Variants in TLL2 observed in about 807,000 individuals in gnomAD.
TLL2 encodes tolloid like 2, also known as tolloid-like protein 2.
A neutral mutation model predicts 123.0 loss-of-function variants in TLL2; 106 were observed. The observed-to-expected ratio is 0.86, with a 90% CI of 0.74 to 1.01. The LOEUF (loss-of-function observed/expected upper bound fraction) is 1.01. Ranked by LOEUF, TLL2 falls within the 50% of genes least tolerant of loss-of-function variation. TLL2 has a pLI of 0.00. For synonymous variants in TLL2, 494 were observed against 516.8 expected (o/e 0.96, Z 0.60); for missense variants, 1,332 against 1,336.7 (o/e 1.00, Z 0.06).
intron 1 of TLL2, among the ~76,000 whole-genome samples, chr10:96,491,305 C>G (rs1348233839): frequency 6.6e-6 from 1 of 151,142 alleles, no homozygotes; most frequent in Admixed American, 6.6e-5. Context: ...TCGCTTGAAT[C>G]CAGGAGGCGG....
At chr10:96,376,667 T>C in intron 18 of TLL2, 25 bp downstream of exon 18, 1 of 1,608,818 alleles carries the variant, frequency 6.2e-7, no homozygotes, top group Non-Finnish European at 8.5e-7. Flanking sequence ...GTCCACATTC[T>C]CAATAAACTA....
intron 2 of TLL2, among the ~76,000 whole-genome samples, chr10:96,448,786 C>T (rs530182033): frequency 5.3e-5 from 8 of 151,856 alleles, no homozygotes; most frequent in Admixed American, 2.6e-4. Flanking sequence ...GAGGTGGGTA[C>T]GACTGGAATG....
intron 1 of TLL2, among the ~76,000 whole-genome samples, chr10:96,501,100 C>T (rs1256166922): frequency 6.6e-6 from 1 of 152,112 alleles, no homozygotes; most frequent in African/African-American, 2.4e-5. Flanking sequence ...AGAATGTTCA[C>T]AACAATTACT....
intron 10 of TLL2, among the ~76,000 whole-genome samples, chr10:96,400,267 A>G (rs1370037275): frequency 6.6e-6 from 1 of 151,296 alleles, no homozygotes; most frequent in East Asian, 1.9e-4. Flanking sequence ...TTTAACTCTC[A>G]AAGCTGTAAG....
At chr10:96,427,549 C>A (rs952892408) in intron 5 of TLL2, among the ~76,000 whole-genome samples, 1 of 152,184 alleles carries the variant, frequency 6.6e-6, no homozygotes, top group Non-Finnish European at 1.5e-5. Context: ...TTCTCACTGT[C>A]CCTTATACCC....
chr10:96,373,445 G>A (rs1846103289), intron 19 of TLL2, 151 bp downstream of exon 19: 1 of 734,520 alleles, frequency 1.4e-6, no homozygotes, highest in African/African-American at 1.8e-5. Context: ...CCAGCTTGAT[G>A]CTTCATTTTA....
rs752871708 is a variant in TLL2, at chr10:96,410,378, G to A, written c.1145C>T (p.Ser382Leu). Residue 382 changes from serine (S) to leucine (L), a missense_variant, in exon 9 of 21, where the codon TCG (serine) becomes TTG (leucine). Ser to Leu is a moderately radical substitution (Grantham distance 145). Transcript: ENST00000357947. ...ACCTACCTTTTCCCCTGGGGTGACC[G>A]AGATCCTCCAGACGCAGTGGGAGTA... ...PSYSHCVWRI[S>L]VTPGEKIVLN... 5.6e-6 allele frequency: 9 copies of A among 1,613,378 alleles called. No homozygotes were observed. The highest frequency in any genetic ancestry group is 2.2e-5 in the East Asian group (1 of 44,866).
intron 16 of TLL2, among the ~76,000 whole-genome samples, chr10:96,380,561 C>T (rs541866100): frequency 4.0e-5 from 6 of 151,850 alleles, no homozygotes; most frequent in East Asian, 1.9e-4. Context: ...GGCGTGGTGG[C>T]GGGCGCCTGT....
chr10:96,484,151 A>G (rs1009155200), intron 1 of TLL2, among the ~76,000 whole-genome samples: 2 of 151,980 alleles, frequency 1.3e-5, no homozygotes, highest in African/African-American at 4.8e-5. Flanking sequence ...GCCCACCATG[A>G]TTTTTTTCTG....
intron 7 of TLL2, among the ~76,000 whole-genome samples, chr10:96,417,010 G>T (rs1336453836): frequency 1.3e-5 from 2 of 152,196 alleles, no homozygotes; most frequent in Non-Finnish European, 2.9e-5. Context: ...GTCCAACCAA[G>T]GGGGAGGGGA....
intron 1 of TLL2, among the ~76,000 whole-genome samples, chr10:96,509,544 C>T (rs1340149976): frequency 6.6e-6 from 1 of 152,216 alleles, no homozygotes; most frequent in Admixed American, 6.5e-5. Context: ...TTCCTTCCTC[C>T]CTGTCTCATT....
intron 6 of TLL2, 65 bp downstream of exon 6, chr10:96,422,484 C>T (rs1846634237): frequency 1.3e-6 from 2 of 1,586,400 alleles, no homozygotes; most frequent in Non-Finnish European, 1.7e-6. Flanking sequence ...CCTTCCCTCC[C>T]TCCTGTCCCT....
At chr10:96,385,119 G>A (rs556196529) in intron 15 of TLL2, among the ~76,000 whole-genome samples, 66 of 152,232 alleles carry the variant, frequency 4.3e-4, no homozygotes, top group East Asian at 2.9e-3. Flanking sequence ...GAAAAATAAG[G>A]AGAAGAGGAT....
At chr10:96,482,237 G>A (rs573538100) in intron 1 of TLL2, among the ~76,000 whole-genome samples, 3 of 148,114 alleles carry the variant, frequency 2.0e-5, no homozygotes, top group East Asian at 2.0e-4. Flanking sequence ...CAGCCTGGGC[G>A]ACAGAGCGAG....
intron 2 of TLL2, among the ~76,000 whole-genome samples, chr10:96,471,772 A>T (rs1453091974): frequency 6.6e-6 from 1 of 152,054 alleles, no homozygotes; most frequent in Non-Finnish European, 1.5e-5. Flanking sequence ...CAGCCCTCCA[A>T]GGTCCTGATG....
intron 16 of TLL2, 125 bp downstream of exon 16, chr10:96,384,462 A>AGCCATACC: frequency 1.0e-6 from 1 of 997,456 alleles, no homozygotes; most frequent in African/African-American, 1.7e-5. Context: ...CCTCCAAGGC[A>AGCCATACC]GCCATACCTG....
At chr10:96,505,452 A>G (rs1001156661) in intron 1 of TLL2, among the ~76,000 whole-genome samples, 1 of 152,244 alleles carries the variant, frequency 6.6e-6, no homozygotes, top group Admixed American at 6.5e-5. Flanking sequence ...TGGGATGACA[A>G]TAATTTTAAA....
At chr10:96,386,339 G>C in intron 14 of TLL2, 124 bp from the exon 15 acceptor site, 2 of 998,782 alleles carry the variant, frequency 2.0e-6, no homozygotes, top group African/African-American at 1.6e-5. Flanking sequence ...AATTTGAACT[G>C]ATTAATTCAG....
chr10:96,425,873 A>G (rs146343011), intron 5 of TLL2, among the ~76,000 whole-genome samples: 75 of 152,138 alleles, frequency 4.9e-4, no homozygotes, highest in Non-Finnish European at 7.5e-4. Context: ...AGCAATTCCA[A>G]AACAATGCTA....
Sources: gnomAD v4.1 joint callset for allele counts (sites outside exome capture counted in the v4.1 genomes callset) on GRCh38, gnomAD v4.1.1 for gene constraint, MANE v1.5 for transcripts, NCBI Gene and HGNC (gene_info 2026-07-23, HGNC 2026-07-21) for gene names.